Variants in ZC3H7B observed in about 807,000 individuals in gnomAD.
ZC3H7B encodes zinc finger CCCH-type containing 7B, also known as zinc finger CCCH domain-containing protein 7B.
In ZC3H7B, 35 loss-of-function variants were observed where a neutral mutation model predicts 116.0. That is an observed-to-expected ratio of 0.30 (90% CI 0.23 to 0.40). ZC3H7B has a LOEUF of 0.40. Ranked by LOEUF, ZC3H7B falls within the 10% of genes least tolerant of loss-of-function variation. The pLI is 1.00. For missense variants in ZC3H7B, 1,011 were observed against 1,321.5 expected, an observed-to-expected ratio of 0.77 and a Z score of 3.64; for synonymous variants, 502 against 545.6, an observed-to-expected ratio of 0.92 and a Z score of 1.11.
At chr22:41,308,818 T>C (rs2036080151) in intron 1 of ZC3H7B, among the ~76,000 whole-genome samples, 1 of 152,114 alleles carries the variant, frequency 6.6e-6, no homozygotes, top group Admixed American at 6.5e-5. Context: ...GCTTGGGTGT[T>C]GCAGCCACGG....
At chr22:41,333,681 A>G (rs79519906) in intron 7 of ZC3H7B, 1 of 152,322 alleles carries the variant, frequency 6.6e-6, no homozygotes, top group South Asian at 2.1e-4. Context: ...ACGAGAAAAC[A>G]TTAAATGAAT....
At chr22:41,356,556 G>T in intron 21 of ZC3H7B, 80 bp downstream of exon 21, 1 of 1,608,872 alleles carries the variant, frequency 6.2e-7, no homozygotes, top group Non-Finnish European at 8.5e-7. Flanking sequence ...AGCCTGGAGG[G>T]CCCAGCCGGC....
chr22:41,352,002 T>G (rs930173722), intron 17 of ZC3H7B, among the ~76,000 whole-genome samples: 5 of 152,084 alleles, frequency 3.3e-5, no homozygotes, highest in Admixed American at 6.6e-5. Context: ...TGTCTATTTT[T>G]TAAGACCGTG....
At chr22:41,303,382 T>C (rs1368860789) in intron 1 of ZC3H7B, among the ~76,000 whole-genome samples, 3 of 152,194 alleles carry the variant, frequency 2.0e-5, no homozygotes, top group East Asian at 3.8e-4. Flanking sequence ...ATGGGGGTTT[T>C]GGTAGATTAT....
chr22:41,355,340 C>T, intron 17 of ZC3H7B, 129 bp from the exon 18 acceptor site: 1 of 1,341,744 alleles, frequency 7.5e-7, no homozygotes. Context: ...GAGGTCACTG[C>T]CTGCCAGGAA....
At chr22:41,335,020 AG>A (rs1350486205) in intron 7 of ZC3H7B, 1 of 152,274 alleles carries the variant, frequency 6.6e-6, no homozygotes, top group East Asian at 1.9e-4. Context: ...GGCTTCAGCG[AG>A]CCAGGGAAGC....
At position 41,357,144 on chromosome 22, in the gene ZC3H7B, G is replaced by C; in HGVS notation, c.2682-33G>C. 6.2e-7 allele frequency: 1 copy of C among 1,607,548 alleles called. No individual in the cohort carries two copies. Among genetic ancestry groups the C allele is most frequent in the East Asian group, 2.2e-5 (1 of 44,796 alleles). ...GACAGCCTGGGGTGGGAAGGGCACAGAGCTCGGGCAGTGAGCCTCCTGCCA... is the reference window on the plus strand; with the variant it reads ...GACAGCCTGGGGTGGGAAGGGCACACAGCTCGGGCAGTGAGCCTCCTGCCA... On this transcript the variant is annotated intron_variant, in intron 22 of 22. Transcript: ENST00000352645. The surrounding 1 kb of genome is among the most constrained non-coding windows in gnomAD (Gnocchi z 5.4).
At position 41,356,749 on chromosome 22, in the gene ZC3H7B, C is replaced by A. The variant is rs143415211; in HGVS notation, c.2622C>A (p.Asp874Glu). The change falls in exon 22 of 23, where the codon GAC (aspartate) becomes GAA (glutamate). Residue 874 changes from aspartate to glutamate, a missense_variant. Coordinates refer to ENST00000352645, the MANE Select transcript of ZC3H7B (RefSeq NM_017590.6). ...EKHKEKVFTS[D>E]SDASGWAFRF... ...ACAAGGAGAAGGTCTTCACGTCCGA[C>A]AGTGACGCCAGCGGCTGGGCCTTCC... The A allele has an allele frequency of 8.8e-5, 142 of 1,613,532 alleles. No individual in the cohort carries two copies. The highest frequency in any genetic ancestry group is 1.1e-4 in the Non-Finnish European group (130 of 1,179,998).
chr22:41,323,030 G>T (rs541899316), intron 2 of ZC3H7B, among the ~76,000 whole-genome samples: 1 of 152,262 alleles, frequency 6.6e-6, no homozygotes, highest in East Asian at 1.9e-4. Flanking sequence ...TGTTCATATT[G>T]ACACAACACA....
chr22:41,358,041 C>G lies in ZC3H7B; in HGVS notation c.*612C>G. On this transcript the variant is annotated 3_prime_UTR_variant, in exon 23 of 23. Coordinates refer to ENST00000352645, the MANE Select transcript of ZC3H7B (RefSeq NM_017590.6). ...GGAGTCCCAGCCCTTTCTCTGATGC[C>G]ACCACCTGAACCCTGCTCCCTCGTG... 2 of 154,734 alleles carry G rather than the reference C, an allele frequency of 1.3e-5. No homozygotes were observed. The highest frequency in any genetic ancestry group is 2.9e-5 in the Non-Finnish European group (2 of 69,634). The allele number at this position is 154,734 out of a possible 1,614,324, so 9.6% of individuals were successfully genotyped here.
rs992483661 is a variant in ZC3H7B at position 41,338,864 on chromosome 22, C to T, written c.626-137C>T. On this transcript the variant is annotated intron_variant, in intron 8 of 22. Transcript: ENST00000352645. This position sits in a 1 kb window ranked among gnomAD's most constrained non-coding sequence, Gnocchi z 4.5. The stretch of plus-strand genomic sequence containing the variant: ...CTGAGCATCTGCCAGTGGGATCAGC[C>T]GATGGGGAAGGCAGGGCTCCTGGCA... 1.9e-4 allele frequency: 196 copies of T among 1,017,510 alleles called. No individual in the cohort carries two copies. In the African/African-American group the frequency reaches 2.8e-3, roughly 14 times the overall value. 63.0% of individuals were successfully genotyped at this position (1,017,510 alleles called of 1,614,324 possible).
intron 2 of ZC3H7B, among the ~76,000 whole-genome samples, chr22:41,324,015 A>G (rs1166997012): frequency 1.3e-5 from 2 of 151,932 alleles, no homozygotes; most frequent in African/African-American, 4.8e-5. Flanking sequence ...GGTTGCAGTG[A>G]GCCGAGATTG....
In ZC3H7B at chr22:41,338,213, G is replaced by C. The variant is rs1025979994; in HGVS notation, c.583-100G>C. 7.7e-7 allele frequency: 1 copy of C among 1,303,624 alleles called. No homozygotes were observed. The highest frequency in any genetic ancestry group is 1.1e-6 in the Non-Finnish European group (1 of 932,088). 80.8% of individuals were successfully genotyped at this position (1,303,624 alleles called of 1,614,324 possible). A position where few individuals can be genotyped will look rare whatever the true frequency, so the allele number is the denominator to read the frequency against. On this transcript the variant is annotated intron_variant, in intron 7 of 22. Coordinates refer to ENST00000352645, the MANE Select transcript of ZC3H7B (RefSeq NM_017590.6). The surrounding 1 kb of genome is among the most constrained non-coding windows in gnomAD (Gnocchi z 4.5). ...CCCCTGGCACTCTAAGTGCTCCTCG[G>C]TGCTGGGTCAACAGCATAGTCACGT...
chr22:41,316,890 T>C (rs1483238182), intron 1 of ZC3H7B, among the ~76,000 whole-genome samples: 1 of 152,118 alleles, frequency 6.6e-6, no homozygotes, highest in Non-Finnish European at 1.5e-5. Flanking sequence ...TCGCCCAGGC[T>C]GGGGTGCAGT....
Position 41,357,104 on chromosome 22 carries a change from G to A in ZC3H7B, c.2682-73G>A, listed in dbSNP as rs1224815595. ...AGGCTTGTCTTCGGGGAGGTCAAGC[G>A]GCCGGCCCCAGATGGACAGCCTGGG... is the stretch of plus-strand genomic sequence containing the variant. On this transcript the variant is annotated intron_variant, in intron 22 of 22. Transcript: ENST00000352645. The surrounding 1 kb of genome is among the most constrained non-coding windows in gnomAD (Gnocchi z 5.4). 3.8e-6 allele frequency: 6 copies of A among 1,568,094 alleles called. No homozygotes were observed. Among genetic ancestry groups the A allele is most frequent in the African/African-American group, 1.3e-5 (1 of 74,248 alleles).
At chr22:41,315,326 A>G (rs1423499365) in intron 1 of ZC3H7B, among the ~76,000 whole-genome samples, 1 of 149,650 alleles carries the variant, frequency 6.7e-6, no homozygotes. Flanking sequence ...ACAGGCATGT[A>G]CCACTATATC....
chr22:41,319,663 C>T (rs1232905102), intron 1 of ZC3H7B, among the ~76,000 whole-genome samples: 4 of 150,984 alleles, frequency 2.6e-5, no homozygotes, highest in East Asian at 3.9e-4. Context: ...TTCTTAATTG[C>T]GTGTATCCTT....
rs1178625032 is a variant in ZC3H7B at position 41,341,159 on chromosome 22, A to G, written c.1197+13A>G. On this transcript the variant is annotated intron_variant, in intron 11 of 22. Coordinates refer to ENST00000352645, the MANE Select transcript of ZC3H7B (RefSeq NM_017590.6). ...ACCAGCCCCCTCGGTGAGTGACTTG[A>G]GTGGGGATCCAGGCCTCTCATTCCC... 6.2e-7 allele frequency: 1 copy of G among 1,613,798 alleles called. No individual in the cohort carries two copies. Among genetic ancestry groups the G allele is most frequent in the African/African-American group, 1.3e-5 (1 of 75,006 alleles).
At chr22:41,342,083 T>A (rs2036529855) in intron 11 of ZC3H7B, among the ~76,000 whole-genome samples, 1 of 148,900 alleles carries the variant, frequency 6.7e-6, no homozygotes, top group African/African-American at 2.5e-5. Flanking sequence ...AAAAAAGAGC[T>A]TGCTACACTC....
Sources: gnomAD v4.1 joint callset for allele counts (sites outside exome capture counted in the v4.1 genomes callset) on GRCh38, gnomAD v4.1.1 for gene constraint, Gnocchi (gnomAD v3.1) non-coding constraint, MANE v1.5 for transcripts, NCBI Gene and HGNC (gene_info 2026-07-23, HGNC 2026-07-21) for gene names.